AFTPH: variants seen among roughly 807,000 people sequenced by gnomAD.
The protein encoded by AFTPH is aftiphilin, also known as aftiphilin protein.
Under a neutral mutation model 72.5 loss-of-function variants are expected in AFTPH, and 7 were observed. The ratio of observed to expected loss-of-function variants is 0.10; its 90% confidence interval spans 0.05 to 0.18. The LOEUF is 0.18. Ranked by LOEUF, AFTPH falls within the 10% of genes least tolerant of loss-of-function variation. The probability of loss-of-function intolerance (pLI) is 1.00; values close to 1 mark genes in which losing one functional copy is unlikely to be tolerated. For missense variants in AFTPH, 979 were observed against 1,060.5 expected (o/e 0.92, Z 1.07); for synonymous variants, 337 against 370.1 (o/e 0.91, Z 1.03).
At chr2:64,581,209 T>C (rs776210658) in intron 7 of AFTPH, 10 of 1,598,594 alleles carry the variant, frequency 6.3e-6, no homozygotes, top group Non-Finnish European at 8.5e-6. Flanking sequence ...GTTCCACTCT[T>C]CTGAACCTTG....
At chr2:64,550,577 CATG>C (rs537664545) in intron 1 of AFTPH, among the ~76,000 whole-genome samples, 5 of 151,802 alleles carry the variant, frequency 3.3e-5, no homozygotes, top group South Asian at 4.2e-4. Flanking sequence ...TAAGAGGTAA[CATG>C]AGGGAGTTTT....
chr2:64,559,413 G>T (rs1380738953), intron 2 of AFTPH, among the ~76,000 whole-genome samples: 1 of 152,170 alleles, frequency 6.6e-6, no homozygotes, highest in African/African-American at 2.4e-5. Flanking sequence ...TGTAGTTCCA[G>T]TCTGAGTCCA....
At position 64,529,315 on chromosome 2, in the gene AFTPH, GT is replaced by G. The variant is rs33964756; in HGVS notation, c.-33+4715del. 7.5e-5 allele frequency among the ~76,000 whole-genome samples: 11 copies of G among 146,042 alleles called. No individual in the cohort carries two copies. The South Asian group carries it at 1.1e-3, about 14-fold the overall frequency. On this transcript the variant is annotated intron_variant, in intron 1 of 8. Transcript: ENST00000238856. Reference sequence around the variant, plus strand: ...TATTTCAAATTTTCTCCTTTTTGAAGTTTTTTTTTTTTCACCATTCCTTCTC... The same window carrying G: ...TATTTCAAATTTTCTCCTTTTTGAAGTTTTTTTTTTTCACCATTCCTTCTC...
At chr2:64,579,808 A>C in intron 7 of AFTPH, 1 of 341,232 alleles carries the variant, frequency 2.9e-6, no homozygotes, top group South Asian at 1.2e-4. Flanking sequence ...TATTTTTTAC[A>C]AATATCTAGG....
chr2:64,590,196 C>T (rs1166220051), intron 8 of AFTPH, among the ~76,000 whole-genome samples: 1 of 152,108 alleles, frequency 6.6e-6, no homozygotes, highest in Non-Finnish European at 1.5e-5. Flanking sequence ...TCTCCTCATT[C>T]CTTCTGTTTT....
At chr2:64,547,135 G>T (rs1236200046) in intron 1 of AFTPH, among the ~76,000 whole-genome samples, 1 of 152,080 alleles carries the variant, frequency 6.6e-6, no homozygotes, top group African/African-American at 2.4e-5. Flanking sequence ...GAATCTTTTG[G>T]ACTCTGTTAA....
At chr2:64,578,184 G>GAGTT (rs1432663434) in intron 6 of AFTPH, among the ~76,000 whole-genome samples, 3 of 151,760 alleles carry the variant, frequency 2.0e-5, no homozygotes, top group South Asian at 2.1e-4. Flanking sequence ...TAATATCATG[G>GAGTT]AGTTAGACTT....
intron 6 of AFTPH, among the ~76,000 whole-genome samples, chr2:64,578,387 C>T (rs564515794): frequency 7.2e-5 from 11 of 152,170 alleles, no homozygotes; most frequent in African/African-American, 2.6e-4. Flanking sequence ...TTAACACCAT[C>T]CCCAAAAGAA....
At chr2:64,549,677 G>A (rs1401771626) in intron 1 of AFTPH, among the ~76,000 whole-genome samples, 1 of 151,734 alleles carries the variant, frequency 6.6e-6, no homozygotes, top group African/African-American at 2.4e-5. Context: ...AATAACTCAG[G>A]TTTCATTTAA....
intron 7 of AFTPH, among the ~76,000 whole-genome samples, chr2:64,584,945 T>C (rs1420223007): frequency 6.6e-6 from 1 of 152,162 alleles, no homozygotes; most frequent in African/African-American, 2.4e-5. Flanking sequence ...TTTGAGACTT[T>C]GTGGTAGCTT....
chr2:64,555,555 T>TCACACACACA (rs111905151), intron 2 of AFTPH, among the ~76,000 whole-genome samples: 73 of 140,868 alleles, frequency 5.2e-4, no homozygotes, highest in African/African-American at 1.3e-3. Context: ...AGAGAGACTG[T>TCACACACACA]CACACACACA....
At chr2:64,558,655 A>G (rs1036607269) in intron 2 of AFTPH, among the ~76,000 whole-genome samples, 2 of 152,152 alleles carry the variant, frequency 1.3e-5, no homozygotes, top group African/African-American at 4.8e-5. Flanking sequence ...AACAATCACA[A>G]ATCTGGCAGG....
Position 64,585,624 on chromosome 2 carries a change from C to T in AFTPH, c.2579+79C>T, listed in dbSNP as rs144177499. 386 of 1,470,348 alleles carry T rather than the reference C, an allele frequency of 2.6e-4. 3 individuals are homozygous for T. The African/African-American group carries it at 5.0e-3, about 19-fold the overall frequency. 91.1% of individuals were successfully genotyped at this position (1,470,348 alleles called of 1,614,324 possible). A position where few individuals can be genotyped will look rare whatever the true frequency, so the allele number is the denominator to read the frequency against. ...CCAAAGGAAAAAGCATGTCAGTTGACAGCATTTCAATATATTATATCACAA... is the reference window on the plus strand; with the variant it reads ...CCAAAGGAAAAAGCATGTCAGTTGATAGCATTTCAATATATTATATCACAA... On this transcript the variant is annotated intron_variant, in intron 8 of 8. Coordinates refer to ENST00000238856, the Ensembl canonical transcript of AFTPH.
chr2:64,572,891 A>T (rs1672531383), intron 5 of AFTPH, 55 bp from the exon 6 acceptor site: 2 of 1,582,338 alleles, frequency 1.3e-6, no homozygotes, highest in South Asian at 1.1e-5. Flanking sequence ...AGATTAACTT[A>T]AGTTTATGGG....
intron 7 of AFTPH, among the ~76,000 whole-genome samples, chr2:64,582,316 G>A (rs1673256041): frequency 2.0e-5 from 3 of 152,180 alleles, no homozygotes; most frequent in Non-Finnish European, 4.4e-5. Flanking sequence ...GTGGATGGGG[G>A]AGACTAACAG....
chr2:64,559,568 C>G (rs1412344114), intron 2 of AFTPH, among the ~76,000 whole-genome samples: 2 of 152,156 alleles, frequency 1.3e-5, no homozygotes, highest in African/African-American at 4.8e-5. Flanking sequence ...CATTTTTGTT[C>G]TATTCAGGTC....
chr2:64,543,699 T>C (rs1321328872), intron 1 of AFTPH, among the ~76,000 whole-genome samples: 1 of 152,208 alleles, frequency 6.6e-6, no homozygotes, highest in African/African-American at 2.4e-5. Flanking sequence ...AGTCTTGATA[T>C]CAGGTAGTTT....
At position 64,570,227 on chromosome 2, in the gene AFTPH, C is replaced by T. The variant is rs940578166; in HGVS notation, c.2271+548C>T. Reference sequence around the variant, plus strand: ...AAAACTGAGACATTTTCATTCTGTTCCTTCTCAAGACTCAGTCACATTTTA... The same window carrying T: ...AAAACTGAGACATTTTCATTCTGTTTCTTCTCAAGACTCAGTCACATTTTA... On this transcript the variant is annotated intron_variant, in intron 5 of 8. Coordinates refer to ENST00000238856, the Ensembl canonical transcript of AFTPH. 2.0e-5 allele frequency among the ~76,000 whole-genome samples: 3 copies of T among 152,068 alleles called. No homozygotes were observed. In the South Asian group the frequency reaches 6.2e-4, roughly 32 times the overall value.
chr2:64,541,136 A>G (rs1416294362), intron 1 of AFTPH, among the ~76,000 whole-genome samples: 3 of 142,208 alleles, frequency 2.1e-5, no homozygotes, highest in East Asian at 1.9e-4. Context: ...TCCACCTCAT[A>G]TGATAGTATG....
Sources: allele counts gnomAD v4.1 joint callset (sites outside exome capture counted in the v4.1 genomes callset), GRCh38; gene constraint gnomAD v4.1.1; transcripts MANE v1.5; gene names NCBI Gene and HGNC (gene_info 2026-07-23, HGNC 2026-07-21).